Variants in KCNN2 observed in about 807,000 individuals in gnomAD.
KCNN2 encodes potassium calcium-activated channel subfamily N member 2, also known as small conductance calcium-activated potassium channel protein 2.
A neutral mutation model predicts 55.5 loss-of-function variants in KCNN2; 24 were observed. That is an observed-to-expected ratio of 0.43 (90% CI 0.31 to 0.61). The LOEUF (loss-of-function observed/expected upper bound fraction) is 0.61, where lower values mean the gene tolerates loss of function less well. Among genes scored for constraint, KCNN2 ranks in the 20% least tolerant of loss-of-function variants. The pLI is 0.08. For missense variants in KCNN2, 754 were observed against 853.6 expected (o/e 0.88, Z 1.45); for synonymous variants, 431 against 336.1 (o/e 1.28, Z -3.09).
intron 1 of KCNN2, among the ~76,000 whole-genome samples, chr5:114,164,413 C>T (rs568097939): frequency 5.9e-5 from 9 of 152,170 alleles, no homozygotes; most frequent in Non-Finnish European, 7.4e-5. Context: ...TAGTCATTCC[C>T]ATAAAAAATT....
chr5:114,308,715 A>T (rs1176239489), intron 2 of KCNN2, among the ~76,000 whole-genome samples: 1 of 152,174 alleles, frequency 6.6e-6, no homozygotes, highest in Non-Finnish European at 1.5e-5. Flanking sequence ...AGTGTTGCAT[A>T]ATAGTTGTGC....
At chr5:114,427,887 G>A (rs1286293025) in intron 3 of KCNN2, among the ~76,000 whole-genome samples, 1 of 152,090 alleles carries the variant, frequency 6.6e-6, no homozygotes, top group African/African-American at 2.4e-5. Flanking sequence ...ACATAAATTG[G>A]TACTATTAAT....
At chr5:114,188,944 G>C (rs959552973) in intron 1 of KCNN2, among the ~76,000 whole-genome samples, 6 of 152,120 alleles carry the variant, frequency 3.9e-5, no homozygotes, top group African/African-American at 1.4e-4. Context: ...TTGAAAAGTT[G>C]ATTCCAAACA....
At chr5:114,130,362 A>G (rs149432363) in intron 1 of KCNN2, among the ~76,000 whole-genome samples, 165 of 152,328 alleles carry the variant, frequency 1.1e-3, no homozygotes, top group African/African-American at 3.9e-3. Flanking sequence ...AAGTGGGTCC[A>G]AAATGTGGCT....
At chr5:114,420,614 C>T (rs1759445208) in intron 3 of KCNN2, among the ~76,000 whole-genome samples, 1 of 152,200 alleles carries the variant, frequency 6.6e-6, no homozygotes, top group Non-Finnish European at 1.5e-5. Context: ...AAACAACGTT[C>T]ATTCCTTAGA....
chr5:114,403,486 C>G (rs951275780), intron 2 of KCNN2, among the ~76,000 whole-genome samples: 21 of 152,266 alleles, frequency 1.4e-4, no homozygotes, highest in African/African-American at 4.6e-4. Context: ...GGACTCTCAG[C>G]ATTGAAGCAT....
chr5:114,394,224 TTTC>T (rs1366572900), intron 2 of KCNN2, among the ~76,000 whole-genome samples: 2 of 152,166 alleles, frequency 1.3e-5, no homozygotes, highest in African/African-American at 4.8e-5. Flanking sequence ...GATATCTCAT[TTTC>T]TTCTTATGAT....
upstream of KCNN2, among the ~76,000 whole-genome samples, chr5:114,360,147 C>G (rs1267715910): frequency 3.9e-5 from 6 of 152,168 alleles, no homozygotes; most frequent in South Asian, 1.0e-3. Context: ...TTAATTAGCT[C>G]AAGTCCAGGG....
At chr5:114,351,405 T>A (rs1012535832) in intron 2 of KCNN2, among the ~76,000 whole-genome samples, 2 of 151,784 alleles carry the variant, frequency 1.3e-5, no homozygotes, top group African/African-American at 4.8e-5. Flanking sequence ...GATAGGTTGA[T>A]TACTTCTTAT....
intron 4 of KCNN2, among the ~76,000 whole-genome samples, chr5:114,471,531 A>G (rs1380477): frequency 0.38 from 57,673 of 151,998 alleles, 12,401 homozygotes; most frequent in Non-Finnish European, 0.48. Context: ...GATCCTAAAT[A>G]TAGATATAGA....
At chr5:114,107,846 T>C (rs1262742595) in intron 1 of KCNN2, among the ~76,000 whole-genome samples, 1 of 152,048 alleles carries the variant, frequency 6.6e-6, no homozygotes, top group East Asian at 1.9e-4. Context: ...TTCTCAAATA[T>C]ACCATAATAT....
intron 2 of KCNN2, among the ~76,000 whole-genome samples, chr5:114,259,382 A>G (rs1460384456): frequency 1.3e-5 from 2 of 152,180 alleles, no homozygotes; most frequent in Non-Finnish European, 2.9e-5. Context: ...ATTTGGAGAC[A>G]AAAGGGCTGA....
chr5:114,210,088 A>G (rs900421263), intron 1 of KCNN2, among the ~76,000 whole-genome samples: 1 of 152,132 alleles, frequency 6.6e-6, no homozygotes, highest in Non-Finnish European at 1.5e-5. Context: ...GTCTTTTCAC[A>G]GGATGGTTAG....
intron 1 of KCNN2, among the ~76,000 whole-genome samples, chr5:114,113,778 T>A (rs537269168): frequency 6.6e-6 from 1 of 152,234 alleles, no homozygotes; most frequent in South Asian, 2.1e-4. Flanking sequence ...AGGTTCATCT[T>A]GGTGCCAACT....
chr5:114,358,540 T>C (rs924152152), upstream of KCNN2, among the ~76,000 whole-genome samples: 6 of 152,210 alleles, frequency 3.9e-5, no homozygotes, highest in Non-Finnish European at 7.3e-5. Context: ...GTATGACCTC[T>C]GGTGTTAATC....
chr5:114,332,635 G>C (rs1365679007), intron 2 of KCNN2, among the ~76,000 whole-genome samples: 1 of 152,164 alleles, frequency 6.6e-6, no homozygotes, highest in African/African-American at 2.4e-5. Flanking sequence ...TTACAGAACT[G>C]TCTGTATATG....
intron 2 of KCNN2, among the ~76,000 whole-genome samples, chr5:114,224,914 G>C (rs1754210695): frequency 6.6e-6 from 1 of 152,052 alleles, no homozygotes; most frequent in Admixed American, 6.6e-5. Context: ...TCAATTGTTT[G>C]AGTTTCTTAT....
chr5:114,381,408 C>T (rs918949473), intron 2 of KCNN2, among the ~76,000 whole-genome samples: 1 of 152,080 alleles, frequency 6.6e-6, no homozygotes. Flanking sequence ...GAAAGAAATA[C>T]AAAAACAAAT....
chr5:114,441,803 T>G (rs1020533517), intron 3 of KCNN2, among the ~76,000 whole-genome samples: 8 of 152,178 alleles, frequency 5.3e-5, no homozygotes, highest in East Asian at 3.8e-4. Flanking sequence ...AAACAAGAGC[T>G]TAGTAAACGA....
Sources: gnomAD v4.1 joint callset for allele counts (sites outside exome capture counted in the v4.1 genomes callset) on GRCh38, gnomAD v4.1.1 for gene constraint, MANE v1.5 for transcripts, NCBI Gene and HGNC (gene_info 2026-07-23, HGNC 2026-07-21) for gene names.